ZNF362: variants seen among roughly 807,000 people sequenced by gnomAD.
ZNF362 encodes rotund homolog.
Under a neutral mutation model 42.9 loss-of-function variants are expected in ZNF362, and 11 were observed. That is an observed-to-expected ratio of 0.26 (90% CI 0.16 to 0.42). The LOEUF (loss-of-function observed/expected upper bound fraction) is 0.42, where lower values mean the gene tolerates loss of function less well. Ranked by LOEUF, ZNF362 falls within the 20% of genes least tolerant of loss-of-function variation. ZNF362 has a pLI of 1.00. For synonymous variants in ZNF362, 255 were observed against 257.3 expected, an observed-to-expected ratio of 0.99 and a Z score of 0.09; for missense variants, 362 against 576.2, an observed-to-expected ratio of 0.63 and a Z score of 3.81.
At position 33,281,505 on chromosome 1, in the gene ZNF362, A is replaced by G. The variant is rs1352239612; in HGVS notation, c.684-82A>G. ...ACAGGAAAGACCTGTCCCAGGTGCA[A>G]GGTCTCTCTGATGTAGAAGGCCTCC... On this transcript the variant is annotated intron_variant, in intron 5 of 8. Coordinates refer to ENST00000539719, the MANE Select transcript of ZNF362 (RefSeq NM_152493.3). The surrounding 1 kb of genome is among the most constrained non-coding windows in gnomAD (Gnocchi z 4.8). 1.5e-6 allele frequency: 2 copies of G among 1,365,350 alleles called. No homozygotes were observed. The highest frequency in any genetic ancestry group is 2.1e-6 in the Non-Finnish European group (2 of 967,446). The allele number at this position is 1,365,350 out of a possible 1,614,324, so 84.6% of individuals were successfully genotyped here. A position where few individuals can be genotyped will look rare whatever the true frequency, so the allele number is the denominator to read the frequency against.
At chr1:33,276,937 G>T (rs561476916) in intron 4 of ZNF362, among the ~76,000 whole-genome samples, 1 of 152,270 alleles carries the variant, frequency 6.6e-6, no homozygotes, top group Non-Finnish European at 1.5e-5. Context: ...AGATTTAGGG[G>T]GTAAGAGAAG....
chr1:33,188,581 C>G, the ZNF362 span, among the ~76,000 whole-genome samples: 2 of 152,204 alleles, frequency 1.3e-5, no homozygotes, highest in Non-Finnish European at 2.9e-5. Flanking sequence ...TCAACTGGCA[C>G]CATGTGGCTG....
Position 33,287,833 on chromosome 1 carries a change from G to T in ZNF362, c.908+6022G>T, listed in dbSNP as rs189486350. ...GGTGTCCATAAAATCCCTGTACAGTGTGAATTTGTTATTTCTTCATAAGAG... is the reference window on the plus strand; with the variant it reads ...GGTGTCCATAAAATCCCTGTACAGTTTGAATTTGTTATTTCTTCATAAGAG... On this transcript the variant is annotated intron_variant, in intron 6 of 8. Coordinates refer to ENST00000539719, the MANE Select transcript of ZNF362 (RefSeq NM_152493.3). Among the ~76,000 whole-genome samples, 254 of 152,308 alleles carry T rather than the reference G, an allele frequency of 1.7e-3. 1 individual carries two copies. The highest frequency in any genetic ancestry group is 2.9e-3 in the Admixed American group (44 of 15,302).
the ZNF362 span, chr1:33,147,359 C>T: frequency 6.2e-7 from 1 of 1,614,198 alleles, no homozygotes. This position sits in a 1 kb window ranked among gnomAD's most constrained non-coding sequence, Gnocchi z 8.1. Context: ...AAGACACCCA[C>T]CTTGTCAAGC....
chr1:33,201,250 A>C, the ZNF362 span, among the ~76,000 whole-genome samples: 1 of 152,230 alleles, frequency 6.6e-6, no homozygotes, highest in Non-Finnish European at 1.5e-5. Flanking sequence ...GGCATAGATC[A>C]GTAAAGATAC....
chr1:33,195,714 A>G, the ZNF362 span: 8 of 152,242 alleles, frequency 5.3e-5, no homozygotes, highest in Non-Finnish European at 4.4e-5. Flanking sequence ...ACTTACCACA[A>G]GTGAAGCTTG....
chr1:33,291,225 T>C (rs1200099392), intron 6 of ZNF362, among the ~76,000 whole-genome samples: 3 of 152,190 alleles, frequency 2.0e-5, no homozygotes, highest in African/African-American at 4.8e-5. Flanking sequence ...TTAATCCATC[T>C]TGAATTAATT....
At chr1:33,138,657 A>G in the ZNF362 span, among the ~76,000 whole-genome samples, 11 of 151,904 alleles carry the variant, frequency 7.2e-5, no homozygotes, top group Admixed American at 6.6e-4. Context: ...AAAAGGAAAG[A>G]AAGACTGTAA....
chr1:33,288,743 C>CAAAAAAAAAAAAAAAAAGAAAAA (rs1646051123), intron 6 of ZNF362, among the ~76,000 whole-genome samples: 1 of 27,372 alleles, frequency 3.7e-5, no homozygotes, highest in African/African-American at 1.3e-4. Context: ...GACTCTGTCT[C>CAAAAAAAAAAAAAAAAAGAAAAA]AAAAAAAAAA....
At chr1:33,193,004 C>CACACACACACAT in the ZNF362 span, among the ~76,000 whole-genome samples, 10 of 137,244 alleles carry the variant, frequency 7.3e-5, no homozygotes, top group South Asian at 2.5e-4. Flanking sequence ...CACACACACA[C>CACACACACACAT]ATATATATAT....
the ZNF362 span, among the ~76,000 whole-genome samples, chr1:33,233,022 G>A: frequency 6.6e-6 from 1 of 152,234 alleles, no homozygotes; most frequent in Non-Finnish European, 1.5e-5. Flanking sequence ...CTGAAATGCA[G>A]TGAGGTTATG....
At chr1:33,218,798 T>C in the ZNF362 span, among the ~76,000 whole-genome samples, 1 of 151,892 alleles carries the variant, frequency 6.6e-6, no homozygotes, top group East Asian at 1.9e-4. Context: ...GTCCGTGGAG[T>C]TGGGCAATGT....
intron 6 of ZNF362, among the ~76,000 whole-genome samples, chr1:33,284,219 A>G (rs1646016422): frequency 6.6e-6 from 1 of 152,236 alleles, no homozygotes; most frequent in African/African-American, 2.4e-5. Context: ...ACAAGCCATA[A>G]GCAGGTCCAG....
chr1:33,281,374 G>A lies in ZNF362; in HGVS notation c.684-213G>A, dbSNP rs942072345. ...AGGTGTAACCTATGCTCCAGGCTCT[G>A]TAATGTTCCCCCAGGCAAGAGCTTC... is the stretch of plus-strand genomic sequence containing the variant. On this transcript the variant is annotated intron_variant, in intron 5 of 8. Transcript: ENST00000539719. This position sits in a 1 kb window ranked among gnomAD's most constrained non-coding sequence, Gnocchi z 4.8. Among the ~76,000 whole-genome samples the A allele has an allele frequency of 6.6e-6, 1 of 152,284 alleles. No individual in the cohort carries two copies. The highest frequency in any genetic ancestry group is 2.1e-4 in the South Asian group (1 of 4,824).
chr1:33,257,982 T>C (rs1321222235), intron 1 of ZNF362, among the ~76,000 whole-genome samples: 1 of 152,078 alleles, frequency 6.6e-6, no homozygotes, highest in Non-Finnish European at 1.5e-5. Flanking sequence ...CAGCTGGTGG[T>C]AATGTCTTCC....
the ZNF362 span, among the ~76,000 whole-genome samples, chr1:33,210,618 G>C: frequency 1.3e-5 from 2 of 152,098 alleles, no homozygotes; most frequent in African/African-American, 4.8e-5. Flanking sequence ...CCTGTATTGG[G>C]TGCATATATA....
At chr1:33,147,703 G>A in the ZNF362 span, 58 of 1,612,576 alleles carry the variant, frequency 3.6e-5, no homozygotes, top group Middle Eastern at 1.6e-4. The surrounding 1 kb of genome is among the most constrained non-coding windows in gnomAD (Gnocchi z 8.1). Flanking sequence ...GGCTGTGCCC[G>A]GGTCCAGGGT....
At chr1:33,232,219 G>T in the ZNF362 span, among the ~76,000 whole-genome samples, 2 of 152,176 alleles carry the variant, frequency 1.3e-5, no homozygotes, top group Non-Finnish European at 2.9e-5. Flanking sequence ...GTCTGATGAA[G>T]AGGTCTACAG....
the ZNF362 span, chr1:33,146,962 C>T: frequency 3.2e-4 from 190 of 597,080 alleles, 1 homozygote; most frequent in Non-Finnish European, 2.4e-4. Context: ...AGCTGTATCC[C>T]TATCAAGGTC....
Sources: gnomAD v4.1 joint callset for allele counts (sites outside exome capture counted in the v4.1 genomes callset) on GRCh38, gnomAD v4.1.1 for gene constraint, Gnocchi (gnomAD v3.1) non-coding constraint, MANE v1.5 for transcripts, NCBI Gene and HGNC (gene_info 2026-07-23, HGNC 2026-07-21) for gene names.